The following SYNE2 variants were observed in gnomAD, a reference collection of about 807,000 sequenced individuals.
The protein encoded by SYNE2 is nesprin-2.
SYNE2 carries 431 observed loss-of-function variants against 856.3 expected under a neutral mutation model. The ratio of observed to expected loss-of-function variants is 0.50; its 90% confidence interval spans 0.47 to 0.55. The LOEUF (loss-of-function observed/expected upper bound fraction) is 0.55. SYNE2 is among the 20% of genes least tolerant of loss of function. The pLI is 0.00. For synonymous variants in SYNE2, 2,923 were observed against 2,872.3 expected, an observed-to-expected ratio of 1.02 and a Z score of -0.56; for missense variants, 8,129 against 8,023.2, an observed-to-expected ratio of 1.01 and a Z score of -0.50.
In SYNE2 at chr14:64,048,296, ATAAT is replaced by A. The variant is rs2097200243; in HGVS notation, c.7377+144_7377+147del. On this transcript the variant is annotated intron_variant, in intron 46 of 115. Coordinates refer to ENST00000555002, the MANE Select transcript of SYNE2 (RefSeq NM_182914.3). Reference sequence around the variant, plus strand: ...GCCTGATGATCAATTTGGTAACTGTATAATTATGTACTAAGTAAGTTGTATAAAT... The same window carrying A: ...GCCTGATGATCAATTTGGTAACTGTATATGTACTAAGTAAGTTGTATAAAT... 7 of 704,306 alleles carry A rather than the reference ATAAT, an allele frequency of 9.9e-6. No homozygotes were observed. In the Admixed American group the frequency reaches 2.0e-4, roughly 20 times the overall value. The allele number at this position is 704,306 out of a possible 1,614,324, so 43.6% of individuals were successfully genotyped here. A position where few individuals can be genotyped will look rare whatever the true frequency, so the allele number is the denominator to read the frequency against.
At chr14:64,209,801 C>A in intron 102 of SYNE2, 141 bp from the exon 103 acceptor site, 2 of 1,229,968 alleles carry the variant, frequency 1.6e-6, no homozygotes, top group Non-Finnish European at 2.3e-6. Flanking sequence ...TAGCTGGCAT[C>A]AGGACTGGTG....
intron 1 of SYNE2, among the ~76,000 whole-genome samples, chr14:63,875,056 T>G (rs1330561355): frequency 6.6e-6 from 1 of 151,054 alleles, no homozygotes; most frequent in South Asian, 2.1e-4. Context: ...TTTTTTTTTT[T>G]AAATGGGGTG....
intron 8 of SYNE2, among the ~76,000 whole-genome samples, chr14:63,959,423 G>A (rs1004894943): frequency 6.7e-6 from 1 of 148,560 alleles, no homozygotes; most frequent in African/African-American, 2.5e-5. Flanking sequence ...TCAGCCTCCT[G>A]AGTAGCTGGG....
intron 1 of SYNE2, among the ~76,000 whole-genome samples, chr14:63,837,521 A>G (rs1311929399): frequency 1.3e-5 from 2 of 152,238 alleles, no homozygotes; most frequent in East Asian, 3.8e-4. Context: ...ACAGAATTGG[A>G]GAAAATATTT....
chr14:64,045,014 T>G (rs538081934), intron 45 of SYNE2, among the ~76,000 whole-genome samples: 9 of 152,190 alleles, frequency 5.9e-5, no homozygotes, highest in Admixed American at 5.9e-4. Context: ...AAAAATAAAA[T>G]GGAGGAAAGG....
intron 1 of SYNE2, among the ~76,000 whole-genome samples, chr14:63,894,980 A>G (rs890864784): frequency 1.3e-5 from 2 of 152,204 alleles, no homozygotes; most frequent in Admixed American, 6.5e-5. Context: ...ATGCTTTAGC[A>G]TGTTGTCTAC....
In SYNE2 at chr14:64,041,108, T is replaced by C. The variant is rs114905439; in HGVS notation, c.7222-6892T>C. 1.0e-3 allele frequency among the ~76,000 whole-genome samples: 153 copies of C among 152,316 alleles called. 1 individual carries two copies. The highest frequency in any genetic ancestry group is 3.5e-3 in the African/African-American group (145 of 41,580). Reference sequence around the variant, plus strand: ...AATAGCTGTCAACCTAGCTGAATTATCATTCTAGAATGAGGCAAAATACAT... The same window carrying C: ...AATAGCTGTCAACCTAGCTGAATTACCATTCTAGAATGAGGCAAAATACAT... On this transcript the variant is annotated intron_variant, in intron 45 of 115. Transcript: ENST00000555002.
intron 1 of SYNE2, among the ~76,000 whole-genome samples, chr14:63,878,397 T>C (rs77545445): frequency 2.4e-4 from 36 of 152,216 alleles, no homozygotes; most frequent in African/African-American, 8.4e-4. Context: ...CTGGGGAGGA[T>C]TGGTTGATTG....
At chr14:64,024,866 C>G (rs745487542) in intron 39 of SYNE2, 46 bp from the exon 40 acceptor site, 2 of 1,609,682 alleles carry the variant, frequency 1.2e-6, no homozygotes, top group Non-Finnish European at 1.7e-6. Flanking sequence ...TTGGTATAAA[C>G]ACTTTTTGCT....
In SYNE2 at chr14:63,948,772, A is replaced by ATATGTGTG. The variant is rs1411444415; in HGVS notation, c.409-1052_409-1051insATGTGTGT. On this transcript the variant is annotated intron_variant, in intron 6 of 115. Coordinates refer to ENST00000555002, the MANE Select transcript of SYNE2 (RefSeq NM_182914.3). Reference sequence around the variant, plus strand: ...TGTGTATATATATGTATATATATGTATGTGTGTGTGTATATATATATATAT... The same window carrying ATATGTGTG: ...TGTGTATATATATGTATATATATGTATATGTGTGTGTGTGTGTGTATATATATATATAT... Among the ~76,000 whole-genome samples, 133 of 54,888 alleles carry ATATGTGTG rather than the reference A, an allele frequency of 2.4e-3. 4 individuals are homozygous for ATATGTGTG. Among genetic ancestry groups the ATATGTGTG allele is most frequent in the African/African-American group, 9.4e-3 (128 of 13,598 alleles). 36.0% of individuals were successfully genotyped at this position (54,888 alleles called of 152,430 possible).
intron 1 of SYNE2, among the ~76,000 whole-genome samples, chr14:63,814,534 T>G (rs1321112954): frequency 1.4e-5 from 2 of 140,336 alleles, no homozygotes; most frequent in African/African-American, 5.2e-5. Context: ...TATATCCATA[T>G]ATAATATATA....
intron 1 of SYNE2, among the ~76,000 whole-genome samples, chr14:63,807,757 G>T (rs1464691528): frequency 7.9e-6 from 1 of 127,068 alleles, no homozygotes; most frequent in Non-Finnish European, 1.6e-5. Flanking sequence ...TGGGCTCAAT[G>T]GATCCACCAG....
chr14:64,141,703 C>G (rs1407246151), intron 81 of SYNE2, among the ~76,000 whole-genome samples, 180 bp downstream of exon 81: 1 of 152,146 alleles, frequency 6.6e-6, no homozygotes, highest in East Asian at 1.9e-4. Flanking sequence ...AGAGAGAAAT[C>G]AGGCTTAATT....
intron 32 of SYNE2, among the ~76,000 whole-genome samples, chr14:64,011,594 C>T (rs1273778611): frequency 1.3e-5 from 2 of 152,042 alleles, no homozygotes; most frequent in African/African-American, 4.8e-5. Context: ...ACCTTGAGAC[C>T]CTTCCTTGTA....
In SYNE2 at chr14:64,203,020, C is replaced by T. The variant is rs554841485; in HGVS notation, c.18201+57C>T. 1.0e-4 allele frequency: 166 copies of T among 1,597,734 alleles called. 2 individuals are homozygous for T. The South Asian group carries it at 1.7e-3, about 17-fold the overall frequency. On this transcript the variant is annotated intron_variant, in intron 100 of 115. Transcript: ENST00000555002. ...GTACGGTGTCCGCGATATGCACTGA[C>T]TGAGGCCTTCCCCGTATATCTATGT...
Position 64,081,562 on chromosome 14 carries a change from CCATG to C in SYNE2, c.11468_11471del (p.His3823LeufsTer25). 1 of 1,614,074 alleles carries C rather than the reference CCATG, an allele frequency of 6.2e-7. No individual in the cohort carries two copies. The highest frequency in any genetic ancestry group is 8.5e-7 in the Non-Finnish European group (1 of 1,179,980). On this transcript the variant is annotated frameshift_variant, in exon 57 of 116. Transcript: ENST00000555002. LOFTEE classifies it high-confidence loss of function. ...ATGACTCTTTGAGGACACTGAGTCACCATGCTAGCACTGTGCAGGTAAGTGTTCT... is the reference window on the plus strand; with the variant it reads ...ATGACTCTTTGAGGACACTGAGTCACCTAGCACTGTGCAGGTAAGTGTTCT...
chr14:63,971,389 T>G (rs1207797958), intron 11 of SYNE2, among the ~76,000 whole-genome samples: 1 of 152,126 alleles, frequency 6.6e-6, no homozygotes, highest in Non-Finnish European at 1.5e-5. Flanking sequence ...GTGCTGGGAT[T>G]ACAGATGTGA....
rs1253319343 is a variant in SYNE2 at position 63,997,043 on chromosome 14, C to A, written c.3037C>A (p.Gln1013Lys). 4 of 1,613,890 alleles carry A rather than the reference C, an allele frequency of 2.5e-6. No individual in the cohort carries two copies. In the African/African-American group the frequency reaches 5.3e-5, roughly 22 times the overall value. The stretch of plus-strand genomic sequence containing the variant: ...AGAGCTGCCTTCACAGAAGAGTCAA[C>A]AAGAAGTGAAGAGACTACTCAAAGA... Reference protein sequence around the residue: ...CEELPSQKSQQEVKRLLKDYE... With the variant: ...CEELPSQKSQKEVKRLLKDYE... Residue 1013 changes from glutamine (Q) to lysine (K), a missense_variant, in exon 24 of 116, where the codon CAA becomes AAA. Transcript: ENST00000555002.
At chr14:63,930,437 G>T (rs1217090677) in intron 2 of SYNE2, among the ~76,000 whole-genome samples, 1 of 151,772 alleles carries the variant, frequency 6.6e-6, no homozygotes, top group Non-Finnish European at 1.5e-5. Flanking sequence ...AGACCTTCTG[G>T]GTTTGTGAAC....
Sources: gnomAD v4.1 joint callset for allele counts (sites outside exome capture counted in the v4.1 genomes callset) on GRCh38, gnomAD v4.1.1 for gene constraint, MANE v1.5 for transcripts, NCBI Gene and HGNC (gene_info 2026-07-23, HGNC 2026-07-21) for gene names.